The following DYNC1I2 variants were observed in gnomAD, a reference collection of about 807,000 sequenced individuals.
DYNC1I2 encodes cytoplasmic dynein 1 intermediate chain 2.
In DYNC1I2, 53 loss-of-function variants were observed where a neutral mutation model predicts 88.6. The observed-to-expected ratio is 0.60, with a 90% CI of 0.48 to 0.75. The LOEUF (loss-of-function observed/expected upper bound fraction) is 0.75. Among genes scored for constraint, DYNC1I2 ranks in the 30% least tolerant of loss-of-function variants. DYNC1I2 has a pLI of 0.00. For missense variants in DYNC1I2, 458 were observed against 766.6 expected, an observed-to-expected ratio of 0.60 and a Z score of 4.75; for synonymous variants, 198 against 254.6, an observed-to-expected ratio of 0.78 and a Z score of 2.12.
At chr2:171,725,181 T>C (rs143005246) in intron 7 of DYNC1I2, among the ~76,000 whole-genome samples, 130 of 152,322 alleles carry the variant, frequency 8.5e-4, no homozygotes, top group Middle Eastern at 3.4e-3. Flanking sequence ...TAGGCTATTT[T>C]AGACATTTGA....
chr2:171,747,207 TTA>T (rs67834157), intron 17 of DYNC1I2, among the ~76,000 whole-genome samples: 38,124 of 124,450 alleles, frequency 0.31, 5,616 homozygotes, highest in Admixed American at 0.32. Flanking sequence ...AAAAAAAAAA[TTA>T]TATATATATA....
intron 7 of DYNC1I2, among the ~76,000 whole-genome samples, chr2:171,717,407 G>A (rs1687582925): frequency 6.6e-6 from 1 of 152,002 alleles, no homozygotes; most frequent in Non-Finnish European, 1.5e-5. Context: ...GAGCTACTGT[G>A]CCCGGCCATG....
chr2:171,717,141 CTTTTTT>C (rs71013068), intron 7 of DYNC1I2, among the ~76,000 whole-genome samples: 1 of 102,294 alleles, frequency 9.8e-6, no homozygotes, highest in Admixed American at 9.8e-5. Flanking sequence ...CAAGTATTTT[CTTTTTT>C]TTTTTTTTTT....
intron 15 of DYNC1I2, among the ~76,000 whole-genome samples, chr2:171,734,185 G>GT (rs1196189350): frequency 6.6e-6 from 1 of 151,994 alleles, no homozygotes; most frequent in African/African-American, 2.4e-5. Context: ...TTTCTAGTTT[G>GT]TTTTTTACTC....
At chr2:171,741,249 A>G (rs1689407172) in intron 15 of DYNC1I2, among the ~76,000 whole-genome samples, 1 of 152,140 alleles carries the variant, frequency 6.6e-6, no homozygotes, top group Admixed American at 6.5e-5. Flanking sequence ...GCTATTATGA[A>G]TCATGCTGCT....
chr2:171,739,861 A>G (rs1331517589), intron 15 of DYNC1I2, among the ~76,000 whole-genome samples: 1 of 151,770 alleles, frequency 6.6e-6, no homozygotes, highest in African/African-American at 2.4e-5. Context: ...GCCCGCCACC[A>G]TGCCTGGCTA....
intron 5 of DYNC1I2, among the ~76,000 whole-genome samples, chr2:171,710,042 G>A (rs1382444258): frequency 1.3e-5 from 2 of 151,252 alleles, no homozygotes; most frequent in African/African-American, 2.4e-5. Context: ...TAATATGTAC[G>A]TTGTCTCCTT....
At chr2:171,696,322 A>G (rs1042115361) in intron 3 of DYNC1I2, among the ~76,000 whole-genome samples, 3 of 152,220 alleles carry the variant, frequency 2.0e-5, no homozygotes, top group African/African-American at 7.2e-5. Context: ...ATGACACTCA[A>G]AAGAAATACT....
intron 11 of DYNC1I2, 24 bp from the exon 12 acceptor site, chr2:171,727,797 T>G: frequency 6.2e-7 from 1 of 1,603,194 alleles, no homozygotes; most frequent in Non-Finnish European, 8.5e-7. Context: ...GAATCTCAAG[T>G]ATAAAAATCT....
At chr2:171,723,827 C>G (rs1156676975) in intron 7 of DYNC1I2, among the ~76,000 whole-genome samples, 1 of 152,190 alleles carries the variant, frequency 6.6e-6, no homozygotes. Context: ...ACTAGCTTTT[C>G]TTGAAATGGC....
intron 6 of DYNC1I2, among the ~76,000 whole-genome samples, chr2:171,714,791 T>G (rs1039815647): frequency 6.6e-6 from 1 of 152,202 alleles, no homozygotes. Flanking sequence ...TTTAAAAGTT[T>G]TAAATATTTC....
chr2:171,700,591 G>GT (rs1429955857), intron 3 of DYNC1I2, among the ~76,000 whole-genome samples: 23 of 152,190 alleles, frequency 1.5e-4, no homozygotes, highest in African/African-American at 5.5e-4. Flanking sequence ...TTGTTTAATC[G>GT]TAACTATAAC....
chr2:171,715,813 A>G (rs1025632587), intron 7 of DYNC1I2, among the ~76,000 whole-genome samples: 8 of 152,208 alleles, frequency 5.3e-5, no homozygotes, highest in Admixed American at 2.6e-4. Context: ...AGTGGGTCCC[A>G]TAGTAAACAA....
intron 3 of DYNC1I2, among the ~76,000 whole-genome samples, chr2:171,702,280 C>G (rs147391118): frequency 1.3e-3 from 192 of 152,238 alleles, no homozygotes; most frequent in African/African-American, 4.4e-3. Flanking sequence ...TGATGTTTCC[C>G]TTTCTTGTTG....
chr2:171,728,826 T>C lies in DYNC1I2; in HGVS notation c.1367T>C (p.Val456Ala). The C allele has an allele frequency of 1.2e-6, 2 of 1,610,814 alleles. No individual in the cohort carries two copies. The highest frequency in any genetic ancestry group is 2.2e-5 in the East Asian group (1 of 44,772). The stretch of plus-strand genomic sequence containing the variant: ...GTTGTTGGGAGTGAAGAAGGTTCTG[T>C]GTACACAGCATGCCGCCATGGCAGG... ...NFVVGSEEGS[V>A]YTACRHGSKA... Residue 456 changes from valine (V) to alanine (A), a missense_variant, in exon 14 of 18, where the codon GTG (valine) becomes GCG (alanine). Coordinates refer to ENST00000397119, the MANE Select transcript of DYNC1I2 (RefSeq NM_001378.3).
chr2:171,714,314 A>G (rs1018142735), intron 6 of DYNC1I2, among the ~76,000 whole-genome samples: 1 of 151,586 alleles, frequency 6.6e-6, no homozygotes, highest in Admixed American at 6.6e-5. Context: ...GTACTTTGTT[A>G]TGCTTTATTA....
At chr2:171,701,398 G>C (rs1686249605) in intron 3 of DYNC1I2, among the ~76,000 whole-genome samples, 1 of 151,966 alleles carries the variant, frequency 6.6e-6, no homozygotes, top group South Asian at 2.1e-4. Flanking sequence ...TCGAACTCCT[G>C]ACCTCAAGTG....
chr2:171,740,475 T>G (rs1379211216), intron 15 of DYNC1I2, among the ~76,000 whole-genome samples: 1 of 152,250 alleles, frequency 6.6e-6, no homozygotes, highest in Admixed American at 6.5e-5. Context: ...CAAAATCTGA[T>G]CACAATCTGA....
intron 3 of DYNC1I2, among the ~76,000 whole-genome samples, chr2:171,701,611 T>G (rs970678846): frequency 1.5e-4 from 23 of 152,324 alleles, no homozygotes; most frequent in African/African-American, 4.1e-4. Context: ...CATGGAGAGA[T>G]AATTTAGTTA....
Sources: gnomAD v4.1 joint callset for allele counts (sites outside exome capture counted in the v4.1 genomes callset) on GRCh38, gnomAD v4.1.1 for gene constraint, MANE v1.5 for transcripts, NCBI Gene and HGNC (gene_info 2026-07-23, HGNC 2026-07-21) for gene names.